ALDH7A1: variants seen among roughly 807,000 people sequenced by gnomAD.
ALDH7A1 encodes the protein aldehyde dehydrogenase 7 family member A1, also known as alpha-aminoadipic semialdehyde dehydrogenase.
Under a neutral mutation model 79.9 loss-of-function variants are expected in ALDH7A1, and 63 were observed. The ratio of observed to expected loss-of-function variants is 0.79; its 90% CI spans 0.64 to 0.97. The LOEUF is 0.97. ALDH7A1 is among the 50% of genes least tolerant of loss of function. ALDH7A1 has a pLI of 0.00. For missense variants in ALDH7A1, 627 were observed against 665.2 expected (o/e 0.94, Z 0.63); for synonymous variants, 240 against 231.2 (o/e 1.04, Z -0.34).
rs1324173927 is a variant in ALDH7A1 at position 126,542,046 on chromosome 5, G to T, written c.*2919C>A. Reference sequence around the variant, plus strand: ...TATATTCAATCAATATGGGGATAAAGTTCTTCCCCTTGGATAGGAGAGGTT... The same window carrying T: ...TATATTCAATCAATATGGGGATAAATTTCTTCCCCTTGGATAGGAGAGGTT... On this transcript the variant is annotated 3_prime_UTR_variant, in exon 18 of 18. Coordinates refer to ENST00000409134, the MANE Select transcript of ALDH7A1 (RefSeq NM_001182.5). 1 of 148,972 alleles carries T rather than the reference G, an allele frequency of 6.7e-6. No individual in the cohort carries two copies. The highest frequency in any genetic ancestry group is 2.0e-4 in the East Asian group (1 of 4,986). The allele number at this position is 148,972 out of a possible 1,614,324, so 9.2% of individuals were successfully genotyped here.
At chr5:126,547,682 AG>A (rs1305258938) in intron 16 of ALDH7A1, among the ~76,000 whole-genome samples, 13 of 152,236 alleles carry the variant, frequency 8.5e-5, no homozygotes, top group African/African-American at 3.1e-4. Context: ...AAAGCTTTCA[AG>A]GAGACAGCAG....
intron 9 of ALDH7A1, among the ~76,000 whole-genome samples, chr5:126,566,708 T>C (rs530289925): frequency 6.6e-5 from 10 of 152,298 alleles, no homozygotes; most frequent in African/African-American, 1.9e-4. Flanking sequence ...TCCATATGCA[T>C]ATGGATACAT....
chr5:126,578,700 ATACAAACT>A lies in ALDH7A1; in HGVS notation c.518-1497_518-1490del, dbSNP rs558763251. On this transcript the variant is annotated intron_variant, in intron 5 of 17. Transcript: ENST00000409134. ...AACAAACAAAAATATTGTATTTTAAATACAAACTTACAAACTTTAAAGTCACCCATAAT... is the reference window on the plus strand; with the variant it reads ...AACAAACAAAAATATTGTATTTTAAATACAAACTTTAAAGTCACCCATAAT... Among the ~76,000 whole-genome samples the A allele has an allele frequency of 1.5e-3, 234 of 152,268 alleles. 1 individual carries two copies. The highest frequency in any genetic ancestry group is 6.8e-3 in the Middle Eastern group (2 of 294).
At chr5:126,546,203 G>A in intron 17 of ALDH7A1, 121 bp downstream of exon 17, 1 of 916,254 alleles carries the variant, frequency 1.1e-6, no homozygotes, top group Non-Finnish European at 1.8e-6. Flanking sequence ...GACAGCTGTG[G>A]AATGCTGGAA....
intron 13 of ALDH7A1, among the ~76,000 whole-genome samples, chr5:126,552,586 C>T (rs1300496635): frequency 2.0e-5 from 3 of 151,394 alleles, no homozygotes; most frequent in East Asian, 3.9e-4. Flanking sequence ...TAGTAGAGAC[C>T]AGGTTTCACC....
At chr5:126,556,751 G>A (rs185094505) in intron 11 of ALDH7A1, among the ~76,000 whole-genome samples, 1 of 152,264 alleles carries the variant, frequency 6.6e-6, no homozygotes, top group East Asian at 1.9e-4. Flanking sequence ...AATTAGGTGA[G>A]GACAACCCTT....
chr5:126,592,854 G>A, intron 2 of ALDH7A1, 125 bp from the exon 3 acceptor site: 1 of 939,552 alleles, frequency 1.1e-6, no homozygotes, highest in Non-Finnish European at 1.6e-6. Flanking sequence ...ATTTATGGCT[G>A]AGAATGATTC....
intron 7 of ALDH7A1, among the ~76,000 whole-genome samples, chr5:126,574,358 C>G (rs1165975656): frequency 6.6e-6 from 1 of 151,580 alleles, no homozygotes; most frequent in Non-Finnish European, 1.5e-5. Flanking sequence ...CAAGATTGCA[C>G]CACTGCACTC....
At position 126,564,640 on chromosome 5, in the gene ALDH7A1, G is replaced by T. The variant is rs1750508239; in HGVS notation, c.872-3516C>A. 9.1e-6 allele frequency: 10 copies of T among 1,095,376 alleles called. No individual in the cohort carries two copies. In the South Asian group the frequency reaches 1.9e-4, roughly 21 times the overall value. 67.9% of individuals were successfully genotyped at this position (1,095,376 alleles called of 1,614,324 possible). ...GAATATTAATTATGAAGACATGGCT[G>T]TTACTACCAAAAGCCACCAAATGCT... On this transcript the variant is annotated intron_variant, in intron 9 of 17. Coordinates refer to ENST00000409134, the MANE Select transcript of ALDH7A1 (RefSeq NM_001182.5).
In ALDH7A1 at chr5:126,543,784, CT is replaced by C. The variant is rs1204543060; in HGVS notation, c.*1180del. 1 of 152,114 alleles carries C rather than the reference CT, an allele frequency of 6.6e-6. No individual in the cohort carries two copies. Among genetic ancestry groups the C allele is most frequent in the East Asian group, 1.9e-4 (1 of 5,172 alleles). 9.4% of individuals were successfully genotyped at this position (152,114 alleles called of 1,614,324 possible). A position where few individuals can be genotyped will look rare whatever the true frequency, so the allele number is the denominator to read the frequency against. The stretch of plus-strand genomic sequence containing the variant: ...CTGGGCTGAACCAGCCCAAAGGCTC[CT>C]GTGCAGCTTCCCAGTGAGAAAAGGT... On this transcript the variant is annotated 3_prime_UTR_variant, in exon 18 of 18. Transcript: ENST00000409134.
chr5:126,595,065 A>C lies in ALDH7A1; in HGVS notation c.134T>G (p.Leu45Arg). 4 of 1,608,870 alleles carry C rather than the reference A, an allele frequency of 2.5e-6. No homozygotes were observed. Among genetic ancestry groups the C allele is most frequent in the Non-Finnish European group, 3.4e-6 (4 of 1,177,844 alleles). ...NQPQYAWLKE[L>R]GLREENEGVY... Reference sequence around the variant, plus strand: ...GCCCTCGTTTTCCTCGCGGAGCCCCAGCTCTTTCAGCCACGCATACTGGGG... The same window carrying C: ...GCCCTCGTTTTCCTCGCGGAGCCCCCGCTCTTTCAGCCACGCATACTGGGG... Residue 45 changes from leucine (L) to arginine (R), a missense_variant, in exon 1 of 18, where the codon CTG (leucine) becomes CGG (arginine). By Grantham distance (102) the Leu-to-Arg change is moderately radical. Coordinates refer to ENST00000409134, the MANE Select transcript of ALDH7A1 (RefSeq NM_001182.5).
rs774148433 is a variant in ALDH7A1 at position 126,552,121 on chromosome 5, C to G, written c.1217G>C (p.Gly406Ala). The G allele has an allele frequency of 6.2e-7, 1 of 1,613,768 alleles. No individual in the cohort carries two copies. Among genetic ancestry groups the G allele is most frequent in the Non-Finnish European group, 8.5e-7 (1 of 1,179,752 alleles). ...CACAATTGTCGGTTCTACATAATTTCCAGGGCGATCCATAACCTAATGCAG... is the reference window on the plus strand; with the variant it reads ...CACAATTGTCGGTTCTACATAATTTGCAGGGCGATCCATAACCTAATGCAG... ...VYGGKVMDRP[G>A]NYVEPTIVTG... Residue 406 changes from glycine (G) to alanine (A), a missense_variant, in exon 14 of 18, where the codon GGA becomes GCA. Transcript: ENST00000409134.
chr5:126,546,226 A>G (rs576850380), intron 17 of ALDH7A1, 98 bp downstream of exon 17: 316 of 1,101,270 alleles, frequency 2.9e-4, no homozygotes, highest in Admixed American at 5.3e-4. Flanking sequence ...ATCAAATCAA[A>G]TGACACTGCA....
chr5:126,581,911 GA>G (rs903678778), intron 5 of ALDH7A1: 12 of 325,304 alleles, frequency 3.7e-5, no homozygotes, highest in African/African-American at 2.6e-4. Context: ...CCGGGAGGTG[GA>G]GGTTGCAGTG....
chr5:126,594,999 C>T lies in ALDH7A1; in HGVS notation c.192+8G>A, dbSNP rs772442347. Reference sequence around the variant, plus strand: ...GCGGCTGCAGAGATTTCTTGAGCGCCCGCGTACCTCTCCCCGGCCTCCCCA... The same window carrying T: ...GCGGCTGCAGAGATTTCTTGAGCGCTCGCGTACCTCTCCCCGGCCTCCCCA... On this transcript the variant is annotated splice_region_variant and intron_variant, in intron 1 of 17. Coordinates refer to ENST00000409134, the MANE Select transcript of ALDH7A1 (RefSeq NM_001182.5). 2.5e-6 allele frequency: 4 copies of T among 1,589,752 alleles called. No individual in the cohort carries two copies. Among genetic ancestry groups the T allele is most frequent in the Non-Finnish European group, 3.4e-6 (4 of 1,168,866 alleles).
Position 126,543,954 on chromosome 5 carries a change from T to C in ALDH7A1, c.*1011A>G, listed in dbSNP as rs1447744460. 2 of 144,652 alleles carry C rather than the reference T, an allele frequency of 1.4e-5. No individual in the cohort carries two copies. Among genetic ancestry groups the C allele is most frequent in the Non-Finnish European group, 3.0e-5 (2 of 66,114 alleles). 9.0% of individuals were successfully genotyped at this position (144,652 alleles called of 1,614,324 possible). A position where few individuals can be genotyped will look rare whatever the true frequency, so the allele number is the denominator to read the frequency against. ...GGTGGTCTAAGGTTGTATAAAAAAA[T>C]CCAGATGCACTTTTTTTTTTTTTTT... is the stretch of plus-strand genomic sequence containing the variant. On this transcript the variant is annotated 3_prime_UTR_variant, in exon 18 of 18. Coordinates refer to ENST00000409134, the MANE Select transcript of ALDH7A1 (RefSeq NM_001182.5).
At chr5:126,573,887 C>T (rs1262217023) in intron 7 of ALDH7A1, among the ~76,000 whole-genome samples, 3 of 140,434 alleles carry the variant, frequency 2.1e-5, no homozygotes, top group African/African-American at 5.3e-5. Flanking sequence ...AAAATTAGCC[C>T]GGCGTGGTGG....
chr5:126,593,195 A>G (rs1170493613), intron 2 of ALDH7A1, among the ~76,000 whole-genome samples, 156 bp downstream of exon 2: 3 of 152,162 alleles, frequency 2.0e-5, no homozygotes, highest in Admixed American at 2.0e-4. Context: ...TGACAAATGA[A>G]AAATAAACAC....
intron 3 of ALDH7A1, among the ~76,000 whole-genome samples, chr5:126,590,800 T>C (rs1453175437): frequency 1.3e-5 from 2 of 149,262 alleles, no homozygotes; most frequent in Non-Finnish European, 3.0e-5. Context: ...GATGGGAGGA[T>C]CCCAGGCCCA....
Sources: gnomAD v4.1 joint callset for allele counts (sites outside exome capture counted in the v4.1 genomes callset) on GRCh38, gnomAD v4.1.1 for gene constraint, MANE v1.5 for transcripts, NCBI Gene and HGNC (gene_info 2026-07-23, HGNC 2026-07-21) for gene names.